The following ADAM32 variants were observed in gnomAD, a reference collection of about 807,000 sequenced individuals.
ADAM32 encodes the protein disintegrin and metalloproteinase domain-containing protein 32.
ADAM32 carries 89 observed loss-of-function variants against 114.9 expected under a neutral mutation model. The ratio of observed to expected loss-of-function variants is 0.77; its 90% confidence interval spans 0.65 to 0.92. The LOEUF (loss-of-function observed/expected upper bound fraction) is 0.92, where lower values mean the gene tolerates loss of function less well. ADAM32 is among the 40% of genes least tolerant of loss of function. The probability of loss-of-function intolerance (pLI) is 0.00; values close to 1 mark genes in which losing one functional copy is unlikely to be tolerated. For missense variants in ADAM32, 870 were observed against 932.8 expected (o/e 0.93, Z 0.88); for synonymous variants, 285 against 307.5 (o/e 0.93, Z 0.77).
intron 12 of ADAM32, among the ~76,000 whole-genome samples, chr8:39,212,949 G>A (rs1408321476): frequency 3.3e-5 from 5 of 152,108 alleles, no homozygotes; most frequent in Non-Finnish European, 7.4e-5. Flanking sequence ...CAGTGGTTTT[G>A]TAGTGGTTTA....
chr8:39,239,534 A>G (rs1207007760), intron 16 of ADAM32, among the ~76,000 whole-genome samples: 2 of 152,226 alleles, frequency 1.3e-5, no homozygotes, highest in African/African-American at 2.4e-5. Context: ...CAAGATATTC[A>G]GGAAACAACC....
intron 12 of ADAM32, among the ~76,000 whole-genome samples, chr8:39,217,837 A>T (rs538800125): frequency 6.6e-6 from 1 of 152,188 alleles, no homozygotes; most frequent in Non-Finnish European, 1.5e-5. Context: ...GAAAGGTCAC[A>T]TATCTCTGTT....
chr8:39,202,211 T>G (rs936843410), intron 11 of ADAM32, among the ~76,000 whole-genome samples: 1 of 152,106 alleles, frequency 6.6e-6, no homozygotes, highest in Non-Finnish European at 1.5e-5. Context: ...GATACCAGCT[T>G]TTTCTTGTAC....
At chr8:39,182,055 T>C (rs747259210) in intron 10 of ADAM32, among the ~76,000 whole-genome samples, 1 of 152,230 alleles carries the variant, frequency 6.6e-6, no homozygotes, top group African/African-American at 2.4e-5. Flanking sequence ...GGACATATTA[T>C]AGTTTATATC....
At chr8:39,219,758 T>C (rs1240313902) in intron 12 of ADAM32, among the ~76,000 whole-genome samples, 3 of 152,214 alleles carry the variant, frequency 2.0e-5, no homozygotes, top group African/African-American at 4.8e-5. Context: ...TTTTGAGATA[T>C]CTTCTTGGTA....
intron 19 of ADAM32, among the ~76,000 whole-genome samples, chr8:39,264,477 A>G (rs987972361): frequency 3.3e-5 from 5 of 152,058 alleles, no homozygotes; most frequent in Non-Finnish European, 5.9e-5. Context: ...TGGTCTATCA[A>G]TCTTATTTGT....
At chr8:39,114,090 C>T (rs1422874534) in intron 1 of ADAM32, among the ~76,000 whole-genome samples, 1 of 152,152 alleles carries the variant, frequency 6.6e-6, no homozygotes, top group Non-Finnish European at 1.5e-5. Flanking sequence ...TCTATAACTT[C>T]GTTCACCATT....
intron 7 of ADAM32, among the ~76,000 whole-genome samples, chr8:39,163,594 T>G (rs1160976094): frequency 6.6e-6 from 1 of 152,224 alleles, no homozygotes; most frequent in Non-Finnish European, 1.5e-5. Context: ...AGAACTTGAT[T>G]TGATTGATTT....
intron 18 of ADAM32, among the ~76,000 whole-genome samples, chr8:39,255,956 A>G (rs1321071725): frequency 6.6e-6 from 1 of 151,954 alleles, no homozygotes; most frequent in African/African-American, 2.4e-5. Context: ...CTTGCCAGTT[A>G]TCCCAGTGCC....
chr8:39,184,718 A>G (rs904594237), intron 10 of ADAM32, among the ~76,000 whole-genome samples: 2 of 152,190 alleles, frequency 1.3e-5, no homozygotes, highest in Admixed American at 1.3e-4. Flanking sequence ...GAGGTTGTGA[A>G]TTGGTTTAGT....
chr8:39,198,418 C>T (rs11780558), intron 11 of ADAM32, among the ~76,000 whole-genome samples: 37,541 of 151,958 alleles, frequency 0.25, 5,011 homozygotes, highest in Non-Finnish European at 0.29. Context: ...CACTTTGTCA[C>T]TCAGGCTGGA....
In ADAM32 at chr8:39,257,311, G is replaced by T. The variant is rs1313708198; in HGVS notation, c.2130G>T (p.Trp710Cys). The change falls in exon 19 of 25, where the codon TGG becomes TGT. Residue 710 changes from tryptophan to cysteine, a missense_variant. Transcript: ENST00000379907. ...TGGCAAGGAAACAGTTGAAAAAGTGGTTCGCCAAGGAAGAGGAATTCCCAA... is the reference window on the plus strand; with the variant it reads ...TGGCAAGGAAACAGTTGAAAAAGTGTTTCGCCAAGGAAGAGGAATTCCCAA... The part of the protein sequence containing the change: ...IVLARKQLKK[W>C]FAKEEEFPSS... The T allele has an allele frequency of 6.2e-7, 1 of 1,613,202 alleles. No homozygotes were observed. The highest frequency in any genetic ancestry group is 8.5e-7 in the Non-Finnish European group (1 of 1,179,440).
intron 14 of ADAM32, among the ~76,000 whole-genome samples, chr8:39,226,175 A>AC (rs1809358334): frequency 1.3e-5 from 2 of 152,158 alleles, no homozygotes; most frequent in Admixed American, 1.3e-4. Flanking sequence ...GATTACTTGT[A>AC]TATATACAAC....
At chr8:39,268,591 AT>A (rs1412156250) in intron 19 of ADAM32, among the ~76,000 whole-genome samples, 12 of 152,184 alleles carry the variant, frequency 7.9e-5, no homozygotes, top group Admixed American at 2.0e-4. Context: ...AATGTTTTAA[AT>A]GTTTAATAAA....
At chr8:39,259,161 T>A (rs1247385690) in intron 19 of ADAM32, among the ~76,000 whole-genome samples, 2 of 151,128 alleles carry the variant, frequency 1.3e-5, no homozygotes. Flanking sequence ...TGTTTTTTGT[T>A]TTTTTTTTCC....
chr8:39,203,924 G>GA (rs1033219045), intron 11 of ADAM32, among the ~76,000 whole-genome samples: 5 of 152,104 alleles, frequency 3.3e-5, no homozygotes, highest in African/African-American at 1.2e-4. Flanking sequence ...ATTCTGGGTT[G>GA]AAAATTCTTT....
rs1020112932 is a variant in ADAM32 at position 39,165,866 on chromosome 8, A to G, written c.833+670A>G. 7.1e-4 allele frequency: 108 copies of G among 152,264 alleles called. 1 individual carries two copies. The highest frequency in any genetic ancestry group is 2.5e-3 in the African/African-American group (105 of 41,566). The allele number at this position is 152,264 out of a possible 1,614,324, so 9.4% of individuals were successfully genotyped here. A position where few individuals can be genotyped will look rare whatever the true frequency, so the allele number is the denominator to read the frequency against. ...TTTAATTTTTGGTAGTCTGATGGAT[A>G]TAACTTAATGTCATTGTCATTTTAA... is the stretch of plus-strand genomic sequence containing the variant. On this transcript the variant is annotated intron_variant, in intron 9 of 24. Transcript: ENST00000379907.
chr8:39,284,360 TACACACACACACACACGTACAC>T (rs1468040073), intron 24 of ADAM32, among the ~76,000 whole-genome samples: 40 of 149,434 alleles, frequency 2.7e-4, no homozygotes, highest in African/African-American at 9.6e-4. Flanking sequence ...AATACTGTTA[TACACACACACACACACGTACAC>T]ACACACACAC....
intron 11 of ADAM32, among the ~76,000 whole-genome samples, chr8:39,202,512 C>T (rs1480559242): frequency 6.6e-6 from 1 of 152,072 alleles, no homozygotes; most frequent in Non-Finnish European, 1.5e-5. Flanking sequence ...TTTGATTCTT[C>T]TCTCTTTTCT....
Sources: allele counts gnomAD v4.1 joint callset (sites outside exome capture counted in the v4.1 genomes callset), GRCh38; gene constraint gnomAD v4.1.1; transcripts MANE v1.5; gene names NCBI Gene and HGNC (gene_info 2026-07-23, HGNC 2026-07-21).